Variants in AK9 observed in about 807,000 individuals in gnomAD.
AK9 encodes adenylate kinase domain containing 1.
Under a neutral mutation model 239.6 loss-of-function variants are expected in AK9, and 191 were observed. The observed-to-expected ratio is 0.80, with a 90% CI of 0.71 to 0.90. AK9 has a LOEUF of 0.90. Among genes scored for constraint, AK9 ranks in the 40% least tolerant of loss-of-function variants. AK9 has a pLI of 0.00. For synonymous variants in AK9, 689 were observed against 721.0 expected (o/e 0.96, Z 0.71); for missense variants, 1,995 against 2,214.7 (o/e 0.90, Z 1.99).
intron 8 of AK9, among the ~76,000 whole-genome samples, chr6:109,652,225 C>T (rs182597543): frequency 8.8e-4 from 134 of 152,304 alleles, no homozygotes; most frequent in African/African-American, 3.2e-3. Context: ...TTGGCTTCAT[C>T]CCTGGGATGC....
intron 17 of AK9, among the ~76,000 whole-genome samples, chr6:109,603,695 C>T (rs943612224): frequency 6.6e-6 from 1 of 152,164 alleles, no homozygotes; most frequent in Non-Finnish European, 1.5e-5. Flanking sequence ...GCAGGCAGGC[C>T]TCCTTGAGCT....
At chr6:109,504,907 C>A (rs145053847) in intron 35 of AK9, among the ~76,000 whole-genome samples, 71 of 152,306 alleles carry the variant, frequency 4.7e-4, no homozygotes, top group Non-Finnish European at 7.9e-4. Flanking sequence ...GACTTTTCAT[C>A]TTGAGTCTGT....
Position 109,516,022 on chromosome 6 carries a change from T to A in AK9, c.3900A>T (p.Arg1300Ser). 1 of 1,551,328 alleles carries A rather than the reference T, an allele frequency of 6.4e-7. No homozygotes were observed. Among genetic ancestry groups the A allele is most frequent in the Non-Finnish European group, 8.7e-7 (1 of 1,146,702 alleles). Residue 1300 changes from arginine (R) to serine (S), a missense_variant, in exon 31 of 41, where the codon AGA becomes AGT. This residue lies in a region of AK9 where 1,290 missense variants were observed against 1,392.7 expected (regional missense o/e 0.93). Transcript: ENST00000424296. ...TCAATGTATATTGTACAATGTGATT[T>A]CTCCGAGCTCCATTAATGGAAATTA... is the stretch of plus-strand genomic sequence containing the variant. ...IPIISINGAR[R>S]NHIVQYTLNM...
intron 27 of AK9, among the ~76,000 whole-genome samples, chr6:109,534,285 T>A (rs1781676086): frequency 6.7e-6 from 1 of 150,234 alleles, no homozygotes; most frequent in Non-Finnish European, 1.5e-5. Flanking sequence ...GCACTTATTT[T>A]AATTTATTTT....
At position 109,499,178 on chromosome 6, in the gene AK9, C is replaced by T; in HGVS notation, c.4912G>A (p.Glu1638Lys). The T allele has an allele frequency of 6.3e-7, 1 of 1,594,520 alleles. No homozygotes were observed. ...TPQELLSRLGEFEQFCPVSLA... is the reference protein window; with the variant it reads ...TPQELLSRLGKFEQFCPVSLA... The stretch of plus-strand genomic sequence containing the variant: ...CTGACAGGGCAGAACTGTTCAAATT[C>T]TCCCAGGCGAGAAAGCAGCTCTTGA... The change falls in exon 36 of 41, where the codon GAA becomes AAA. Residue 1638 changes from glutamate to lysine, a missense_variant. This residue lies in a region of AK9 where 391 missense variants were observed against 456.0 expected (regional missense o/e 0.86). Transcript: ENST00000424296.
chr6:109,580,953 C>T (rs1788782467), intron 19 of AK9, among the ~76,000 whole-genome samples: 1 of 151,836 alleles, frequency 6.6e-6, no homozygotes, highest in Non-Finnish European at 1.5e-5. Flanking sequence ...GGGTTTGTGG[C>T]AACCCTGCAA....
rs757494339 is a variant in AK9 at position 109,506,554 on chromosome 6, G to A, written c.4629-7C>T. On this transcript the variant is annotated splice_polypyrimidine_tract_variant and splice_region_variant and intron_variant, in intron 34 of 40. Coordinates refer to ENST00000424296, the MANE Select transcript of AK9 (RefSeq NM_001145128.3). ...GTGCAATGGATAAGGCAATCTAATA[G>A]GGAAACAGAGAAGGAATGGAAAAAG... 2.6e-6 allele frequency: 4 copies of A among 1,565,928 alleles called. No homozygotes were observed. Among genetic ancestry groups the A allele is most frequent in the Non-Finnish European group, 2.6e-6 (3 of 1,151,718 alleles).
chr6:109,658,356 G>A (rs1454880276), intron 7 of AK9, among the ~76,000 whole-genome samples: 2 of 152,146 alleles, frequency 1.3e-5, no homozygotes, highest in Non-Finnish European at 2.9e-5. Context: ...ACTGGAGACA[G>A]TCCCTGCTGC....
intron 16 of AK9, among the ~76,000 whole-genome samples, chr6:109,610,847 C>A (rs1793497290): frequency 6.6e-6 from 1 of 152,078 alleles, no homozygotes; most frequent in South Asian, 2.1e-4. Context: ...CATAAGCATC[C>A]AGGGAATGAG....
chr6:109,587,419 T>C (rs1192942334), intron 17 of AK9, among the ~76,000 whole-genome samples: 1 of 152,218 alleles, frequency 6.6e-6, no homozygotes, highest in African/African-American at 2.4e-5. Context: ...TGCATTGATA[T>C]ATTGCACTGT....
chr6:109,597,546 G>C (rs572772643), intron 17 of AK9, among the ~76,000 whole-genome samples: 1 of 151,876 alleles, frequency 6.6e-6, no homozygotes, highest in Non-Finnish European at 1.5e-5. Flanking sequence ...GGTGGCGGGC[G>C]CCTGTAGCCC....
chr6:109,496,669 G>A (rs1020682491), intron 38 of AK9, among the ~76,000 whole-genome samples: 1 of 151,840 alleles, frequency 6.6e-6, no homozygotes, highest in Non-Finnish European at 1.5e-5. Flanking sequence ...AAGCTCTTCT[G>A]ACATTCATGC....
At chr6:109,635,053 C>G (rs1212288399) in intron 10 of AK9, among the ~76,000 whole-genome samples, 1 of 151,990 alleles carries the variant, frequency 6.6e-6, no homozygotes, top group African/African-American at 2.4e-5. Flanking sequence ...ACAAAGCAGA[C>G]TGAAAACATG....
At chr6:109,611,459 G>A (rs1793573018) in intron 16 of AK9, among the ~76,000 whole-genome samples, 1 of 152,178 alleles carries the variant, frequency 6.6e-6, no homozygotes, top group African/African-American at 2.4e-5. Context: ...CAGCAACCCT[G>A]ATTTTGTCAA....
In AK9 at chr6:109,642,915, C is replaced by T. The variant is rs140872905; in HGVS notation, c.835-1299G>A. ...TGGAATTCAGGGGAAAGATCTGATACAGCATCATGAATTTAAGAGATGTCA... is the reference window on the plus strand; with the variant it reads ...TGGAATTCAGGGGAAAGATCTGATATAGCATCATGAATTTAAGAGATGTCA... On this transcript the variant is annotated intron_variant, in intron 9 of 40. Coordinates refer to ENST00000424296, the MANE Select transcript of AK9 (RefSeq NM_001145128.3). Among the ~76,000 whole-genome samples, 513 of 152,238 alleles carry T rather than the reference C, an allele frequency of 3.4e-3. 3 individuals are homozygous for T. Among genetic ancestry groups the T allele is most frequent in the African/African-American group, 0.012 (500 of 41,538 alleles).
chr6:109,638,740 C>G (rs1797022761), intron 10 of AK9, among the ~76,000 whole-genome samples: 1 of 152,156 alleles, frequency 6.6e-6, no homozygotes, highest in Non-Finnish European at 1.5e-5. Flanking sequence ...CCATGGTGGT[C>G]TGATGCACCC....
chr6:109,602,300 C>T (rs1337539076), intron 17 of AK9, among the ~76,000 whole-genome samples: 3 of 152,118 alleles, frequency 2.0e-5, no homozygotes, highest in Non-Finnish European at 2.9e-5. Context: ...ATTTGCTTGT[C>T]TATAAAGGAT....
At chr6:109,616,859 T>G (rs968465664) in intron 13 of AK9, among the ~76,000 whole-genome samples, 1 of 152,156 alleles carries the variant, frequency 6.6e-6, no homozygotes, top group Non-Finnish European at 1.5e-5. Flanking sequence ...AAGAGGGGTT[T>G]AAACTATACT....
Position 109,644,582 on chromosome 6 carries a change from T to C in AK9, c.834+32A>G, listed in dbSNP as rs1797814893. 1.9e-6 allele frequency: 3 copies of C among 1,548,868 alleles called. No individual in the cohort carries two copies. The African/African-American group carries it at 4.2e-5, about 22-fold the overall frequency. On this transcript the variant is annotated intron_variant, in intron 9 of 40. Coordinates refer to ENST00000424296, the MANE Select transcript of AK9 (RefSeq NM_001145128.3). ...GTCAATAGATTTAAATTTTCCATGC[T>C]GTGAAGTATTCCTGCTTAACACTGC...
Sources: allele counts gnomAD v4.1 joint callset (sites outside exome capture counted in the v4.1 genomes callset), GRCh38; gene constraint gnomAD v4.1.1; regional missense constraint gnomAD v4.1.1; transcripts MANE v1.5; gene names NCBI Gene and HGNC (gene_info 2026-07-23, HGNC 2026-07-21).